Variants in ITGB5 observed in about 807,000 individuals in gnomAD.
ITGB5 encodes the protein integrin subunit beta 5, also known as integrin beta-5.
A neutral mutation model predicts 84.8 loss-of-function variants in ITGB5; 38 were observed. The ratio of observed to expected loss-of-function variants is 0.45; its 90% CI spans 0.35 to 0.59. ITGB5 has a LOEUF of 0.59. ITGB5 is among the 20% of genes least tolerant of loss of function. The probability of loss-of-function intolerance (pLI) is 0.01; values close to 1 mark genes in which losing one functional copy is unlikely to be tolerated. For missense variants in ITGB5, 905 were observed against 1,034.5 expected, an observed-to-expected ratio of 0.87 and a Z score of 1.72; for synonymous variants, 393 against 414.4, an observed-to-expected ratio of 0.95 and a Z score of 0.63.
intron 1 of ITGB5, among the ~76,000 whole-genome samples, chr3:124,884,224 GAAAA>G (rs34509849): frequency 2.1e-5 from 3 of 145,434 alleles, no homozygotes; most frequent in African/African-American, 7.6e-5. Context: ...AAAAAAAAAA[GAAAA>G]AAAAAAAGAA....
chr3:124,792,377 C>T (rs759510608), intron 10 of ITGB5: 2 of 152,190 alleles, frequency 1.3e-5, no homozygotes, highest in African/African-American at 4.8e-5. Flanking sequence ...AAATTTCTTA[C>T]TACTGCTCAG....
chr3:124,860,063 T>C (rs1165199836), intron 2 of ITGB5, among the ~76,000 whole-genome samples: 1 of 152,234 alleles, frequency 6.6e-6, no homozygotes, highest in Admixed American at 6.5e-5. Flanking sequence ...GGATGCTGGA[T>C]AATCATTCAG....
At chr3:124,813,360 T>C (rs2064535575) in intron 8 of ITGB5, among the ~76,000 whole-genome samples, 3 of 152,130 alleles carry the variant, frequency 2.0e-5, no homozygotes, top group Non-Finnish European at 4.4e-5. Context: ...TGGACACTGG[T>C]TGGTTATCTT....
intron 8 of ITGB5, among the ~76,000 whole-genome samples, chr3:124,815,878 G>C (rs553725193): frequency 6.6e-6 from 1 of 152,308 alleles, no homozygotes; most frequent in South Asian, 2.1e-4. Context: ...AATCTGAAAG[G>C]CACTACGGTG....
At chr3:124,869,448 C>T (rs998214655) in intron 2 of ITGB5, among the ~76,000 whole-genome samples, 13 of 152,070 alleles carry the variant, frequency 8.5e-5, no homozygotes, top group African/African-American at 1.7e-4. Flanking sequence ...TGGTGGCACG[C>T]GCCTGTAATC....
At chr3:124,837,664 A>G (rs2064953472) in intron 5 of ITGB5, among the ~76,000 whole-genome samples, 1 of 152,246 alleles carries the variant, frequency 6.6e-6, no homozygotes, top group Non-Finnish European at 1.5e-5. Context: ...AGAGCAGGCC[A>G]CAGAGGTGGA....
At chr3:124,884,224 GAA>G (rs34509849) in intron 1 of ITGB5, among the ~76,000 whole-genome samples, 7 of 145,434 alleles carry the variant, frequency 4.8e-5, no homozygotes, top group Admixed American at 6.8e-5. Flanking sequence ...AAAAAAAAAA[GAA>G]AAAAAAAAAG....
chr3:124,780,709 T>TCC (rs3841933), intron 10 of ITGB5: 2 of 124,724 alleles, frequency 1.6e-5, no homozygotes, highest in Non-Finnish European at 1.7e-5. Flanking sequence ...TGCCTTAGTG[T>TCC]CCCCCCCCCC....
intron 9 of ITGB5, among the ~76,000 whole-genome samples, chr3:124,804,956 C>T (rs541871635): frequency 1.1e-4 from 17 of 151,960 alleles, no homozygotes; most frequent in Non-Finnish European, 1.8e-4. Flanking sequence ...CGTGAGCCAC[C>T]GTGCCCGCCT....
At position 124,819,779 on chromosome 3, in the gene ITGB5, A is replaced by G; in HGVS notation, c.998T>C (p.Leu333Pro). ...ATGGTTTTTTGTCACTGCAAAGATG[A>G]GGTTGATGTTGTTCTCTGCCAATTT... ...GEKLAENNIN[L>P]IFAVTKNHYM... is the part of the protein sequence containing the mutation. The change falls in exon 7 of 15, where the codon CTC becomes CCC. Residue 333 changes from leucine (L) to proline (P), a missense_variant. By Grantham distance (98) the Leu-to-Pro change is moderately conservative. Coordinates refer to ENST00000296181, the MANE Select transcript of ITGB5 (RefSeq NM_002213.5). 1 of 1,613,988 alleles carries G rather than the reference A, an allele frequency of 6.2e-7. No homozygotes were observed. Among genetic ancestry groups the G allele is most frequent in the Middle Eastern group, 1.6e-4 (1 of 6,062 alleles).
At chr3:124,837,191 C>T (rs2064946903) in intron 5 of ITGB5, among the ~76,000 whole-genome samples, 1 of 152,250 alleles carries the variant, frequency 6.6e-6, no homozygotes, top group Non-Finnish European at 1.5e-5. Flanking sequence ...TGCTCACCCT[C>T]TGTCCTCCCT....
chr3:124,824,964 C>A (rs564216506), intron 5 of ITGB5, among the ~76,000 whole-genome samples: 1 of 151,994 alleles, frequency 6.6e-6, no homozygotes, highest in Non-Finnish European at 1.5e-5. Flanking sequence ...TTTGGGAGGC[C>A]GAGGTGGGTG....
intron 10 of ITGB5, among the ~76,000 whole-genome samples, chr3:124,778,932 G>T (rs2063963101): frequency 6.6e-6 from 1 of 152,128 alleles, no homozygotes. Flanking sequence ...CAAGCTGAGG[G>T]TGTGGGCTGG....
intron 1 of ITGB5, among the ~76,000 whole-genome samples, chr3:124,875,626 A>G (rs1389172334): frequency 6.6e-6 from 1 of 152,220 alleles, no homozygotes; most frequent in African/African-American, 2.4e-5. Context: ...CAGAAGTACT[A>G]TGTGTTCCAG....
chr3:124,875,408 C>T (rs977756983), intron 1 of ITGB5, among the ~76,000 whole-genome samples: 9 of 141,658 alleles, frequency 6.4e-5, no homozygotes, highest in African/African-American at 1.8e-4. Flanking sequence ...ACCCAGGAGG[C>T]GGAGGCTGCA....
intron 9 of ITGB5, among the ~76,000 whole-genome samples, chr3:124,798,211 C>T (rs1177306445): frequency 2.6e-5 from 4 of 151,802 alleles, no homozygotes; most frequent in African/African-American, 4.8e-5. Flanking sequence ...CGCCACCACA[C>T]GCAGCTAATT....
chr3:124,823,679 G>A (rs1389624919), intron 5 of ITGB5, among the ~76,000 whole-genome samples: 3 of 149,892 alleles, frequency 2.0e-5, no homozygotes, highest in Non-Finnish European at 4.4e-5. Context: ...AGTTTTTGAT[G>A]TGTACATTTT....
chr3:124,860,252 T>G (rs2065277751), intron 2 of ITGB5, among the ~76,000 whole-genome samples: 1 of 152,038 alleles, frequency 6.6e-6, no homozygotes, highest in African/African-American at 2.4e-5. Flanking sequence ...AAGAATAACA[T>G]AGCATATCAC....
At chr3:124,893,646 T>C (rs935192338) in intron 1 of ITGB5, among the ~76,000 whole-genome samples, 2 of 152,120 alleles carry the variant, frequency 1.3e-5, no homozygotes, top group African/African-American at 2.4e-5. Flanking sequence ...AGGTGACAAG[T>C]CCAGGGGCAC....
Sources: allele counts gnomAD v4.1 joint callset (sites outside exome capture counted in the v4.1 genomes callset), GRCh38; gene constraint gnomAD v4.1.1; transcripts MANE v1.5; gene names NCBI Gene and HGNC (gene_info 2026-07-23, HGNC 2026-07-21).